The following BMP5 variants were observed in gnomAD, a reference collection of about 807,000 sequenced individuals.
BMP5 encodes the protein bone morphogenetic protein 5.
A neutral mutation model predicts 46.6 loss-of-function variants in BMP5; 23 were observed. The ratio of observed to expected loss-of-function variants is 0.49; its 90% CI spans 0.35 to 0.70. The LOEUF is 0.70. Ranked by LOEUF, BMP5 falls within the 30% of genes least tolerant of loss-of-function variation. The probability of loss-of-function intolerance (pLI) is 0.00; values close to 1 mark genes in which losing one functional copy is unlikely to be tolerated. For synonymous variants in BMP5, 204 were observed against 191.9 expected (o/e 1.06, Z -0.52); for missense variants, 545 against 565.6 (o/e 0.96, Z 0.37).
intron 1 of BMP5, among the ~76,000 whole-genome samples, chr6:55,836,076 C>A (rs1001439475): frequency 3.9e-5 from 6 of 151,922 alleles, no homozygotes; most frequent in Non-Finnish European, 8.8e-5. Context: ...TTTTCCCAAT[C>A]AAAAAATTAA....
chr6:55,825,063 T>C (rs970677721), intron 1 of BMP5, among the ~76,000 whole-genome samples: 1 of 151,920 alleles, frequency 6.6e-6, no homozygotes, highest in African/African-American at 2.4e-5. Flanking sequence ...GGTTGTTTAT[T>C]TATTAGAGCT....
rs1013434232 is a variant in BMP5 at position 55,855,134 on chromosome 6, C to T, written c.490+19242G>A. Among the ~76,000 whole-genome samples the T allele has an allele frequency of 2.6e-5, 4 of 152,124 alleles. No homozygotes were observed. In the East Asian group the frequency reaches 7.7e-4, roughly 29 times the overall value. The stretch of plus-strand genomic sequence containing the variant: ...CTATTTATGTTTCTCATTCCTGGGA[C>T]ATCTCGATAAGATTTTTAATGAGGT... On this transcript the variant is annotated intron_variant, in intron 1 of 6. Coordinates refer to ENST00000370830, the MANE Select transcript of BMP5 (RefSeq NM_021073.4).
In BMP5 at chr6:55,755,470, GC is replaced by G. The variant is rs916689224; in HGVS notation, c.*62del. The G allele has an allele frequency of 5.3e-6, 8 of 1,495,774 alleles. No homozygotes were observed. Among genetic ancestry groups the G allele is most frequent in the Non-Finnish European group, 6.4e-6 (7 of 1,086,418 alleles). The allele number at this position is 1,495,774 out of a possible 1,614,324, so 92.7% of individuals were successfully genotyped here. ...AAATTCCCCGTTTGTCTGAAAGTAT[GC>G]TTTTTATTGCAGCCATAAACCTTAA... is the stretch of plus-strand genomic sequence containing the variant. On this transcript the variant is annotated 3_prime_UTR_variant, in exon 7 of 7. Transcript: ENST00000370830.
intron 2 of BMP5, among the ~76,000 whole-genome samples, chr6:55,802,765 C>T (rs1056780668): frequency 6.6e-6 from 1 of 151,446 alleles, no homozygotes; most frequent in African/African-American, 2.4e-5. Context: ...GCAAAAACCA[C>T]AAGTACTTTT....
intron 1 of BMP5, among the ~76,000 whole-genome samples, chr6:55,847,485 AG>A (rs1301897161): frequency 4.6e-5 from 7 of 151,984 alleles, no homozygotes; most frequent in African/African-American, 1.7e-4. Flanking sequence ...ACGGCCTTAA[AG>A]GTAGACTGAT....
At chr6:55,785,914 G>A (rs1173240365) in intron 3 of BMP5, among the ~76,000 whole-genome samples, 1 of 151,684 alleles carries the variant, frequency 6.6e-6, no homozygotes, top group African/African-American at 2.4e-5. Context: ...AAAGCATTTA[G>A]TATGGCACTT....
intron 2 of BMP5, among the ~76,000 whole-genome samples, chr6:55,797,686 A>G (rs1490317573): frequency 2.1e-5 from 3 of 139,710 alleles, no homozygotes; most frequent in Non-Finnish European, 4.5e-5. Context: ...GTGCGATCTC[A>G]GCTCACTGCA....
At chr6:55,861,060 G>T (rs1228659648) in intron 1 of BMP5, among the ~76,000 whole-genome samples, 1 of 152,168 alleles carries the variant, frequency 6.6e-6, no homozygotes, top group Non-Finnish European at 1.5e-5. Flanking sequence ...CTAAATATGG[G>T]ATGTTATTAA....
At chr6:55,779,583 A>G (rs1055703720) in intron 3 of BMP5, among the ~76,000 whole-genome samples, 1 of 152,126 alleles carries the variant, frequency 6.6e-6, no homozygotes, top group African/African-American at 2.4e-5. Context: ...CCCAGCATAC[A>G]GAATAAATCA....
intron 2 of BMP5, among the ~76,000 whole-genome samples, chr6:55,803,793 T>C (rs529425037): frequency 7.8e-4 from 119 of 152,290 alleles, no homozygotes; most frequent in African/African-American, 2.7e-3. Flanking sequence ...GCCACGCACA[T>C]CATTAAAGTT....
chr6:55,792,449 G>C (rs935365869), intron 3 of BMP5, among the ~76,000 whole-genome samples: 2 of 151,430 alleles, frequency 1.3e-5, no homozygotes, highest in African/African-American at 4.9e-5. Flanking sequence ...CGAGAGAATG[G>C]CTTGAATCGG....
At chr6:55,796,543 A>T (rs757950446) in intron 2 of BMP5, among the ~76,000 whole-genome samples, 7 of 151,476 alleles carry the variant, frequency 4.6e-5, no homozygotes, top group Non-Finnish European at 1.0e-4. Context: ...GTCCATGTGC[A>T]CAATGTGCAG....
At chr6:55,865,385 G>A (rs146371955) in intron 1 of BMP5, 13,311 of 498,068 alleles carry the variant, frequency 0.027, 248 homozygotes, top group Non-Finnish European at 0.036. Context: ...TAAAACCATG[G>A]AATAGTTCTA....
At chr6:55,859,582 T>C (rs756340604) in intron 1 of BMP5, among the ~76,000 whole-genome samples, 1 of 152,130 alleles carries the variant, frequency 6.6e-6, no homozygotes, top group Non-Finnish European at 1.5e-5. Flanking sequence ...AGTTCAACTA[T>C]ACAAAAAGGT....
At chr6:55,855,830 C>T (rs1311674922) in intron 1 of BMP5, among the ~76,000 whole-genome samples, 1 of 151,750 alleles carries the variant, frequency 6.6e-6, no homozygotes, top group African/African-American at 2.4e-5. Flanking sequence ...ATGTAATTTC[C>T]TCTCTTAATA....
Position 55,874,457 on chromosome 6 carries a change from T to G in BMP5, c.409A>C (p.Thr137Pro), listed in dbSNP as rs1582137939. The G allele has an allele frequency of 6.2e-7, 1 of 1,613,150 alleles. No individual in the cohort carries two copies. Among genetic ancestry groups the G allele is most frequent in the African/African-American group, 1.3e-5 (1 of 74,804 alleles). The change falls in exon 1 of 7, where the codon ACC becomes CCC. Residue 137 changes from threonine (T) to proline (P), a missense_variant. Physicochemically the swap from Thr to Pro is conservative, Grantham distance 38. Coordinates refer to ENST00000370830, the MANE Select transcript of BMP5 (RefSeq NM_021073.4). ...AGGCTGGCTAGAGGAGGACTCTGGG[T>G]GGTCAGAGGAGTCGTCCGAGATAAC... ...IQLSRTTPLTTQSPPLASLHD... is the reference protein window; with the variant it reads ...IQLSRTTPLTPQSPPLASLHD...
chr6:55,863,101 G>T (rs1389057981), intron 1 of BMP5, among the ~76,000 whole-genome samples: 1 of 152,142 alleles, frequency 6.6e-6, no homozygotes, highest in Non-Finnish European at 1.5e-5. Context: ...TGGCCCAATA[G>T]TAGGTAATCA....
At chr6:55,851,880 T>A (rs1777252243) in intron 1 of BMP5, among the ~76,000 whole-genome samples, 1 of 152,106 alleles carries the variant, frequency 6.6e-6, no homozygotes, top group Non-Finnish European at 1.5e-5. Flanking sequence ...GTATGGGCCA[T>A]GTCAGATGTT....
intron 1 of BMP5, among the ~76,000 whole-genome samples, chr6:55,845,765 A>C (rs1777083398): frequency 6.6e-6 from 1 of 151,934 alleles, no homozygotes; most frequent in Admixed American, 6.6e-5. Context: ...CCTGGACTCA[A>C]GTTTATCAAA....
Sources: allele counts gnomAD v4.1 joint callset (sites outside exome capture counted in the v4.1 genomes callset), GRCh38; gene constraint gnomAD v4.1.1; transcripts MANE v1.5; gene names NCBI Gene and HGNC (gene_info 2026-07-23, HGNC 2026-07-21).